Variants in PTPRA observed in about 807,000 individuals in gnomAD.
The protein encoded by PTPRA is protein tyrosine phosphatase receptor type A, also known as receptor-type tyrosine-protein phosphatase alpha.
Under a neutral mutation model 104.8 loss-of-function variants are expected in PTPRA, and 25 were observed. That is an observed-to-expected ratio of 0.24 (90% CI 0.17 to 0.33). PTPRA has a LOEUF of 0.33. Among genes scored for constraint, PTPRA ranks in the 10% least tolerant of loss-of-function variants. The pLI is 1.00. For synonymous variants in PTPRA, 323 were observed against 368.9 expected, an observed-to-expected ratio of 0.88 and a Z score of 1.43; for missense variants, 765 against 1,015.3, an observed-to-expected ratio of 0.75 and a Z score of 3.35.
intron 1 of PTPRA, among the ~76,000 whole-genome samples, chr20:2,904,666 C>CAAAA (rs397865578): frequency 4.5e-5 from 3 of 66,116 alleles, no homozygotes; most frequent in Non-Finnish European, 9.0e-5. Context: ...GACTCCGTCT[C>CAAAA]AAAAAAAAAA....
At chr20:2,893,583 T>C (rs995413758) in intron 1 of PTPRA, among the ~76,000 whole-genome samples, 1 of 152,194 alleles carries the variant, frequency 6.6e-6, no homozygotes, top group African/African-American at 2.4e-5. Context: ...CATTTAATCC[T>C]TAGCTATATT....
chr20:2,913,820 A>G (rs551870981), intron 1 of PTPRA, among the ~76,000 whole-genome samples: 123 of 152,198 alleles, frequency 8.1e-4, no homozygotes, highest in Middle Eastern at 3.4e-3. Context: ...GAGGAGGAGG[A>G]GGAGGTACTT....
At chr20:2,865,606 C>T in the PTPRA span, 11,077 of 1,000,644 alleles carry the variant, frequency 0.011, 122 homozygotes, top group South Asian at 0.019. The surrounding 1 kb of genome is among the most constrained non-coding windows in gnomAD (Gnocchi z 5.2). Flanking sequence ...TTCAGCTGCC[C>T]GCATAGTTAG....
At chr20:2,915,441 A>T (rs1245698937) in intron 1 of PTPRA, among the ~76,000 whole-genome samples, 2 of 151,556 alleles carry the variant, frequency 1.3e-5, no homozygotes, top group African/African-American at 4.9e-5. Context: ...TTCTTTGCCT[A>T]TTTTTTAAAT....
chr20:3,022,354 C>T lies in PTPRA; in HGVS notation c.1328+134C>T. Reference sequence around the variant, plus strand: ...ACCTACTGGGGCACCAGCGCAACAGCCAGAGACTCCAAGTTCTAGTGCAGG... The same window carrying T: ...ACCTACTGGGGCACCAGCGCAACAGTCAGAGACTCCAAGTTCTAGTGCAGG... On this transcript the variant is annotated intron_variant, in intron 15 of 23. Coordinates refer to ENST00000399903, the MANE Select transcript of PTPRA (RefSeq NM_001385305.1). The surrounding 1 kb of genome is among the most constrained non-coding windows in gnomAD (Gnocchi z 4.6). 1 of 1,154,644 alleles carries T rather than the reference C, an allele frequency of 8.7e-7. No individual in the cohort carries two copies. Among genetic ancestry groups the T allele is most frequent in the Non-Finnish European group, 1.2e-6 (1 of 814,946 alleles). The allele number at this position is 1,154,644 out of a possible 1,614,324, so 71.5% of individuals were successfully genotyped here. A position where few individuals can be genotyped will look rare whatever the true frequency, so the allele number is the denominator to read the frequency against.
intron 1 of PTPRA, among the ~76,000 whole-genome samples, chr20:2,914,709 A>G (rs1284645796): frequency 6.6e-6 from 1 of 152,242 alleles, no homozygotes; most frequent in African/African-American, 2.4e-5. Flanking sequence ...AATGGTTTTT[A>G]GACTGAATTA....
At chr20:2,885,828 G>A (rs909246287) in intron 1 of PTPRA, among the ~76,000 whole-genome samples, 2 of 152,202 alleles carry the variant, frequency 1.3e-5, no homozygotes, top group African/African-American at 2.4e-5. Flanking sequence ...CACTTTGGGA[G>A]GCCAAGGTGG....
At chr20:3,007,788 T>TTATATATGTGTGTGTATG (rs1240201649) in intron 11 of PTPRA, among the ~76,000 whole-genome samples, 1 of 149,772 alleles carries the variant, frequency 6.7e-6, no homozygotes, top group Non-Finnish European at 1.5e-5. Context: ...ACCAGCTATA[T>TTATATATGTGTGTGTATG]TATATATGTG....
intron 9 of PTPRA, among the ~76,000 whole-genome samples, chr20:3,004,161 G>A (rs1339282845): frequency 6.6e-6 from 1 of 152,170 alleles, no homozygotes; most frequent in Non-Finnish European, 1.5e-5. Flanking sequence ...GGGGTTACAG[G>A]TGTGCACCAC....
chr20:3,037,063 G>T lies in PTPRA; in HGVS notation c.2199-91G>T. 1 of 1,538,758 alleles carries T rather than the reference G, an allele frequency of 6.5e-7. No individual in the cohort carries two copies. Among genetic ancestry groups the T allele is most frequent in the Non-Finnish European group, 8.8e-7 (1 of 1,134,660 alleles). ...GGGCAAAGGCGAGCACCAGCTGCCT[G>T]CCCCCACCTCTTCTGCCACTCACCA... On this transcript the variant is annotated intron_variant, in intron 22 of 23. Transcript: ENST00000399903. This position sits in a 1 kb window ranked among gnomAD's most constrained non-coding sequence, Gnocchi z 4.3.
chr20:2,980,984 C>T (rs114459341), intron 6 of PTPRA, among the ~76,000 whole-genome samples: 1,869 of 152,074 alleles, frequency 0.012, 34 homozygotes, highest in African/African-American at 0.041. Context: ...GGCGAGCTGC[C>T]GTTTTCTTTT....
chr20:2,947,797 A>C (rs1168756833), intron 2 of PTPRA, among the ~76,000 whole-genome samples, 185 bp from the exon 3 acceptor site: 1 of 152,192 alleles, frequency 6.6e-6, no homozygotes, highest in Non-Finnish European at 1.5e-5. Context: ...CCAGTATCTG[A>C]TGAATATGGT....
At chr20:3,034,140 G>A (rs1029543496) in intron 20 of PTPRA, among the ~76,000 whole-genome samples, 8 of 151,946 alleles carry the variant, frequency 5.3e-5, no homozygotes, top group Non-Finnish European at 7.4e-5. Flanking sequence ...GCATGGTGGC[G>A]CACACTTGTA....
At chr20:3,021,959 A>G (rs991002401) in intron 14 of PTPRA, 95 bp from the exon 15 acceptor site, 4 of 1,471,870 alleles carry the variant, frequency 2.7e-6, no homozygotes, top group Non-Finnish European at 2.8e-6. Flanking sequence ...TTACTTTTCC[A>G]TTGTCACTGA....
intron 11 of PTPRA, among the ~76,000 whole-genome samples, chr20:3,011,134 T>G (rs2064150885): frequency 6.6e-6 from 1 of 152,238 alleles, no homozygotes. Flanking sequence ...GAGCTTACAC[T>G]AGGGCATTCC....
In PTPRA at chr20:3,037,687, G is replaced by A. The variant is rs922193124; in HGVS notation, c.2335-372G>A. On this transcript the variant is annotated intron_variant, in intron 23 of 23. Transcript: ENST00000399903. The surrounding 1 kb of genome is among the most constrained non-coding windows in gnomAD (Gnocchi z 4.3). ...CCATGGAGCTAGAAATGTTTGGGGG[G>A]TAAAGAAAAGTGAATGTTAGGAGGT... Among the ~76,000 whole-genome samples the A allele has an allele frequency of 1.3e-5, 2 of 152,202 alleles. No homozygotes were observed. Among genetic ancestry groups the A allele is most frequent in the African/African-American group, 2.4e-5 (1 of 41,454 alleles).
chr20:3,030,214 G>A (rs2065365768), intron 20 of PTPRA, among the ~76,000 whole-genome samples: 1 of 152,202 alleles, frequency 6.6e-6, no homozygotes, highest in Non-Finnish European at 1.5e-5. Context: ...AGGACCTAGT[G>A]AGAGTAAAGG....
chr20:2,936,459 G>A (rs956672199), intron 2 of PTPRA, among the ~76,000 whole-genome samples: 2 of 151,608 alleles, frequency 1.3e-5, no homozygotes, highest in Admixed American at 6.6e-5. Context: ...CACCATGCCT[G>A]GCCTAGGTCT....
chr20:2,992,923 C>T (rs2063244672), intron 9 of PTPRA, among the ~76,000 whole-genome samples: 1 of 152,114 alleles, frequency 6.6e-6, no homozygotes, highest in Admixed American at 6.5e-5. Context: ...CGAAAGCCTG[C>T]CTCTTCAAAA....
Sources: allele counts gnomAD v4.1 joint callset (sites outside exome capture counted in the v4.1 genomes callset), GRCh38; gene constraint gnomAD v4.1.1; non-coding constraint Gnocchi (gnomAD v3.1); transcripts MANE v1.5; gene names NCBI Gene and HGNC (gene_info 2026-07-23, HGNC 2026-07-21).